The following IGF2BP3 variants were observed in gnomAD, a reference collection of about 807,000 sequenced individuals.
IGF2BP3 encodes the protein insulin-like growth factor 2 mRNA-binding protein 3.
IGF2BP3 carries 9 observed loss-of-function variants against 73.8 expected under a neutral mutation model. The observed-to-expected ratio is 0.12, with a 90% CI of 0.07 to 0.21. The LOEUF (loss-of-function observed/expected upper bound fraction) is 0.21, where lower values mean the gene tolerates loss of function less well. Ranked by LOEUF, IGF2BP3 falls within the 10% of genes least tolerant of loss-of-function variation. The pLI, the probability that IGF2BP3 is intolerant of heterozygous loss-of-function variation, is 1.00. For synonymous variants in IGF2BP3, 258 were observed against 256.7 expected, an observed-to-expected ratio of 1.01 and a Z score of -0.05; for missense variants, 542 against 714.0, an observed-to-expected ratio of 0.76 and a Z score of 2.75.
intron 2 of IGF2BP3, among the ~76,000 whole-genome samples, chr7:23,463,545 C>T (rs1788497851): frequency 6.6e-6 from 1 of 152,180 alleles, no homozygotes; most frequent in African/African-American, 2.4e-5. Flanking sequence ...ATGGCAAAAC[C>T]TCAGAACAAA....
chr7:23,429,211 A>T (rs1041194104), intron 2 of IGF2BP3, among the ~76,000 whole-genome samples: 1 of 152,052 alleles, frequency 6.6e-6, no homozygotes, highest in Non-Finnish European at 1.5e-5. Flanking sequence ...ATTATTTCCA[A>T]CTCAGATTTT....
intron 12 of IGF2BP3, 148 bp from the exon 13 acceptor site, chr7:23,313,801 G>A: frequency 2.6e-6 from 2 of 756,142 alleles, no homozygotes; most frequent in Non-Finnish European, 4.1e-6. Context: ...ACATAGAAGA[G>A]AGCAGTTAGA....
chr7:23,336,641 G>C (rs1371656716), intron 10 of IGF2BP3, among the ~76,000 whole-genome samples: 1 of 151,822 alleles, frequency 6.6e-6, no homozygotes, highest in Non-Finnish European at 1.5e-5. Context: ...CTTCTTTTTG[G>C]CTTCATTTTT....
chr7:23,385,239 T>G (rs1007832663), intron 3 of IGF2BP3, among the ~76,000 whole-genome samples: 2 of 152,208 alleles, frequency 1.3e-5, no homozygotes, highest in African/African-American at 4.8e-5. Flanking sequence ...ATGTACTTCC[T>G]GACAGAAGTC....
intron 9 of IGF2BP3, 63 bp downstream of exon 9, chr7:23,343,655 A>C: frequency 6.9e-7 from 1 of 1,445,816 alleles, no homozygotes. Flanking sequence ...ATATTAATGC[A>C]GTTAAAAACA....
chr7:23,340,498 A>G (rs1330537657), intron 10 of IGF2BP3, among the ~76,000 whole-genome samples: 1 of 152,176 alleles, frequency 6.6e-6, no homozygotes, highest in East Asian at 1.9e-4. Flanking sequence ...TTTACTCTAC[A>G]TATTTATTCT....
chr7:23,340,852 T>A (rs1300105574), intron 10 of IGF2BP3, among the ~76,000 whole-genome samples: 1 of 145,058 alleles, frequency 6.9e-6, no homozygotes, highest in Non-Finnish European at 1.5e-5. Context: ...TCTTTTTCTT[T>A]TTTTTTTTTT....
At chr7:23,416,576 A>G (rs754167743) in intron 3 of IGF2BP3, among the ~76,000 whole-genome samples, 1 of 152,246 alleles carries the variant, frequency 6.6e-6, no homozygotes, top group Non-Finnish European at 1.5e-5. Flanking sequence ...GGTGACATGT[A>G]TATTCTACTG....
chr7:23,316,774 T>A (rs1784003512), intron 12 of IGF2BP3, among the ~76,000 whole-genome samples: 1 of 150,062 alleles, frequency 6.7e-6, no homozygotes, highest in Non-Finnish European at 1.5e-5. Flanking sequence ...AAGACACCCA[T>A]ACTAAATTTT....
At chr7:23,313,727 C>T (rs1783896611) in intron 12 of IGF2BP3, 74 bp from the exon 13 acceptor site, 2 of 1,475,490 alleles carry the variant, frequency 1.4e-6, no homozygotes, top group Non-Finnish European at 1.9e-6. Flanking sequence ...TGAAAGATGG[C>T]CCAAATCCAA....
chr7:23,408,441 A>G (rs1393572457), intron 3 of IGF2BP3, among the ~76,000 whole-genome samples: 1 of 152,222 alleles, frequency 6.6e-6, no homozygotes, highest in East Asian at 1.9e-4. Flanking sequence ...AACAAGTGGA[A>G]GTCCAAACTT....
rs536819168 is a variant in IGF2BP3, at chr7:23,333,390, C to T, written c.1203+8674G>A. On this transcript the variant is annotated intron_variant, in intron 10 of 14. Coordinates refer to ENST00000258729, the MANE Select transcript of IGF2BP3 (RefSeq NM_006547.3). Reference sequence around the variant, plus strand: ...TCCTCCTCAGAGTGAAAGCCTGGCCCGAACATGCATGTGTCTTAGCCTGGA... The same window carrying T: ...TCCTCCTCAGAGTGAAAGCCTGGCCTGAACATGCATGTGTCTTAGCCTGGA... Among the ~76,000 whole-genome samples, 20 of 152,260 alleles carry T rather than the reference C, an allele frequency of 1.3e-4. No homozygotes were observed. In the East Asian group the frequency reaches 3.5e-3, roughly 26 times the overall value.
At position 23,425,159 on chromosome 7, in the gene IGF2BP3, T is replaced by C. The variant is rs537648993; in HGVS notation, c.237-6335A>G. On this transcript the variant is annotated intron_variant, in intron 2 of 14. Transcript: ENST00000258729. ...AACTATCTTTTTACATGAGGTTTGT[T>C]CGTATCAAGATGCCAACAAGATATA... Among the ~76,000 whole-genome samples, 4 of 152,382 alleles carry C rather than the reference T, an allele frequency of 2.6e-5. No homozygotes were observed. In the South Asian group the frequency reaches 8.3e-4, roughly 32 times the overall value.
intron 3 of IGF2BP3, among the ~76,000 whole-genome samples, chr7:23,368,172 T>C (rs1388665694): frequency 6.6e-6 from 1 of 152,116 alleles, no homozygotes; most frequent in Non-Finnish European, 1.5e-5. Flanking sequence ...TACTGACTGA[T>C]GAATGGAAAC....
chr7:23,447,013 C>A (rs1367284862), intron 2 of IGF2BP3, among the ~76,000 whole-genome samples: 1 of 151,734 alleles, frequency 6.6e-6, no homozygotes, highest in Non-Finnish European at 1.5e-5. Context: ...GCCCAGCCTG[C>A]CCAACATGGT....
chr7:23,346,961 C>T (rs1784844499), intron 7 of IGF2BP3, among the ~76,000 whole-genome samples: 1 of 152,120 alleles, frequency 6.6e-6, no homozygotes, highest in Non-Finnish European at 1.5e-5. Flanking sequence ...TATGATATGG[C>T]ACCCACATAT....
chr7:23,401,234 C>T (rs1034344945), intron 3 of IGF2BP3, among the ~76,000 whole-genome samples: 6 of 152,142 alleles, frequency 3.9e-5, no homozygotes, highest in Admixed American at 1.3e-4. Flanking sequence ...AGTAGTAGGA[C>T]CCCTTCCCAG....
chr7:23,317,330 A>G (rs1346902868), intron 12 of IGF2BP3, among the ~76,000 whole-genome samples: 1 of 152,228 alleles, frequency 6.6e-6, no homozygotes, highest in Non-Finnish European at 1.5e-5. Flanking sequence ...TCTGAAAACA[A>G]GTTTCCAAGG....
chr7:23,364,069 T>C (rs1269577923), intron 3 of IGF2BP3, among the ~76,000 whole-genome samples: 1 of 152,006 alleles, frequency 6.6e-6, no homozygotes, highest in Non-Finnish European at 1.5e-5. Flanking sequence ...CAAAACCTTG[T>C]CTCTATTAAA....
Sources: gnomAD v4.1 joint callset for allele counts (sites outside exome capture counted in the v4.1 genomes callset) on GRCh38, gnomAD v4.1.1 for gene constraint, MANE v1.5 for transcripts, NCBI Gene and HGNC (gene_info 2026-07-23, HGNC 2026-07-21) for gene names.